RGS22: variants seen among roughly 807,000 people sequenced by gnomAD.
RGS22 encodes the protein regulator of G-protein signaling 22.
RGS22 carries 148 observed loss-of-function variants against 172.9 expected under a neutral mutation model. The ratio of observed to expected loss-of-function variants is 0.86; its 90% CI spans 0.75 to 0.98. The LOEUF is 0.98. RGS22 is among the 50% of genes least tolerant of loss of function. The pLI, the probability that RGS22 is intolerant of heterozygous loss-of-function variation, is 0.00. For synonymous variants in RGS22, 458 were observed against 480.2 expected (o/e 0.95, Z 0.60); for missense variants, 1,347 against 1,440.8 (o/e 0.93, Z 1.05).
At chr8:99,984,788 G>GACAC (rs111285438) in intron 21 of RGS22, among the ~76,000 whole-genome samples, 9,903 of 139,638 alleles carry the variant, frequency 0.071, 763 homozygotes, top group African/African-American at 0.2. Context: ...AGTCTTTACG[G>GACAC]ACACACACAC....
At chr8:100,041,413 C>T (rs1362100178) in intron 12 of RGS22, among the ~76,000 whole-genome samples, 1 of 151,258 alleles carries the variant, frequency 6.6e-6, no homozygotes, top group Non-Finnish European at 1.5e-5. Flanking sequence ...TTGCTTGAAC[C>T]AGGGAGGTGG....
At chr8:100,072,368 G>A in intron 4 of RGS22, 138 bp from the exon 5 acceptor site, 1 of 494,564 alleles carries the variant, frequency 2.0e-6, no homozygotes, top group Non-Finnish European at 3.5e-6. Flanking sequence ...TTCCACTAGA[G>A]AGATCAATAA....
intron 14 of RGS22, among the ~76,000 whole-genome samples, chr8:100,028,607 C>T (rs762938505): frequency 6.6e-6 from 1 of 152,164 alleles, no homozygotes; most frequent in African/African-American, 2.4e-5. Context: ...TCTAATTTCT[C>T]ATCTTGGAAA....
chr8:100,020,125 C>T (rs1303503393), intron 14 of RGS22, among the ~76,000 whole-genome samples: 1 of 152,064 alleles, frequency 6.6e-6, no homozygotes, highest in Non-Finnish European at 1.5e-5. Context: ...CTCAGGTGAT[C>T]CACCCGCCTC....
chr8:100,106,040 T>G lies in RGS22; in HGVS notation c.-119A>C, dbSNP rs2132091058. On this transcript the variant is annotated 5_prime_UTR_variant, in exon 1 of 28. Coordinates refer to ENST00000360863, the MANE Select transcript of RGS22 (RefSeq NM_015668.5). Reference sequence around the variant, plus strand: ...CGGCGCGCGGGCTCCGGAGCTACGCTGGCTAGCGTGGCCGGCGCCGCGCCG... The same window carrying G: ...CGGCGCGCGGGCTCCGGAGCTACGCGGGCTAGCGTGGCCGGCGCCGCGCCG... 2.6e-6 allele frequency: 3 copies of G among 1,169,468 alleles called. No homozygotes were observed. The highest frequency in any genetic ancestry group is 3.2e-5 in the African/African-American group (2 of 61,890). The allele number at this position is 1,169,468 out of a possible 1,614,324, so 72.4% of individuals were successfully genotyped here.
intron 27 of RGS22, among the ~76,000 whole-genome samples, chr8:99,961,754 G>C (rs1055804705): frequency 6.6e-6 from 1 of 152,144 alleles, no homozygotes; most frequent in African/African-American, 2.4e-5. Context: ...ATGGGCAAAA[G>C]AGTATAGAGG....
At chr8:100,064,146 G>T in intron 7 of RGS22, 103 bp from the exon 8 acceptor site, 1 of 848,826 alleles carries the variant, frequency 1.2e-6, no homozygotes, top group Non-Finnish European at 1.7e-6. Flanking sequence ...GTTTATCATA[G>T]GTAGTGACTG....
chr8:100,103,841 A>T (rs755507832), intron 2 of RGS22, among the ~76,000 whole-genome samples: 29 of 152,232 alleles, frequency 1.9e-4, no homozygotes, highest in Non-Finnish European at 3.7e-4. Context: ...TCAGGCTATC[A>T]TGAGTTCAAG....
intron 3 of RGS22, among the ~76,000 whole-genome samples, chr8:100,089,346 T>C (rs1023947235): frequency 5.3e-5 from 8 of 152,148 alleles, no homozygotes; most frequent in Non-Finnish European, 2.9e-5. Context: ...TTCCTTCTTA[T>C]GGTGAGTGAA....
At chr8:100,035,985 A>C (rs1256490457) in intron 14 of RGS22, among the ~76,000 whole-genome samples, 1 of 152,152 alleles carries the variant, frequency 6.6e-6, no homozygotes, top group South Asian at 2.1e-4. Flanking sequence ...GGTGGATAGC[A>C]TTAGGAGAAA....
chr8:100,035,038 T>C (rs919024135), intron 14 of RGS22, among the ~76,000 whole-genome samples: 3 of 152,176 alleles, frequency 2.0e-5, no homozygotes, highest in African/African-American at 4.8e-5. Context: ...ATTCAGGACA[T>C]AGGCATGGGC....
At chr8:100,028,148 C>T (rs1818380849) in intron 14 of RGS22, among the ~76,000 whole-genome samples, 1 of 152,162 alleles carries the variant, frequency 6.6e-6, no homozygotes, top group African/African-American at 2.4e-5. Flanking sequence ...TTATAACCCA[C>T]ACTTCTTGGT....
rs1326279000 is a variant in RGS22, at chr8:100,052,907, G to T, written c.1584C>A (p.His528Gln). The T allele has an allele frequency of 3.1e-6, 5 of 1,613,964 alleles. No individual in the cohort carries two copies. The African/African-American group carries it at 4.0e-5, about 13-fold the overall frequency. Residue 528 changes from histidine to glutamine, a missense_variant, in exon 10 of 28, where the codon CAC becomes CAA. Transcript: ENST00000360863. Reference sequence around the variant, plus strand: ...CCTTCCTTGGTTTTGCTTGACGGAGGTGCCAGAATTTCAGTTCAGCACTAG... The same window carrying T: ...CCTTCCTTGGTTTTGCTTGACGGAGTTGCCAGAATTTCAGTTCAGCACTAG... ...KYASAELKFWHLRQAKPRKDI... is the reference protein window; with the variant it reads ...KYASAELKFWQLRQAKPRKDI...
intron 21 of RGS22, among the ~76,000 whole-genome samples, chr8:99,986,726 T>C (rs36117969): frequency 0.013 from 1,957 of 152,306 alleles, 19 homozygotes; most frequent in Non-Finnish European, 0.023. Context: ...GCTATTCTTT[T>C]TCATCTCTAA....
chr8:100,017,042 C>T (rs144730995), intron 14 of RGS22, among the ~76,000 whole-genome samples: 2,204 of 120,958 alleles, frequency 0.018, 29 homozygotes, highest in Middle Eastern at 0.087. Context: ...CTGTCACCCA[C>T]GCTGAAGGAC....
Position 100,093,513 on chromosome 8 carries a change from C to CAAAAAAA in RGS22, c.55-11_55-5dup. The CAAAAAAA allele has an allele frequency of 7.4e-7, 1 of 1,350,634 alleles. No individual in the cohort carries two copies. Among genetic ancestry groups the CAAAAAAA allele is most frequent in the Non-Finnish European group, 1.0e-6 (1 of 993,730 alleles). 83.7% of individuals were successfully genotyped at this position (1,350,634 alleles called of 1,614,324 possible). A position where few individuals can be genotyped will look rare whatever the true frequency, so the allele number is the denominator to read the frequency against. ...CATCTGTTGCCAGAGAATCTTCCTG[C>CAAAAAAA]AAAAAAAAAACATAAAAACACAGTA... is the stretch of plus-strand genomic sequence containing the variant. On this transcript the variant is annotated splice_polypyrimidine_tract_variant and splice_region_variant and intron_variant, in intron 2 of 27. Coordinates refer to ENST00000360863, the MANE Select transcript of RGS22 (RefSeq NM_015668.5).
At chr8:99,966,782 C>T (rs954413514) in intron 23 of RGS22, among the ~76,000 whole-genome samples, 1 of 152,014 alleles carries the variant, frequency 6.6e-6, no homozygotes, top group Non-Finnish European at 1.5e-5. Context: ...TAGTCCATAC[C>T]AACTACTTTT....
chr8:99,996,053 T>C (rs900207593), intron 20 of RGS22, among the ~76,000 whole-genome samples: 5 of 137,794 alleles, frequency 3.6e-5, no homozygotes, highest in Admixed American at 8.5e-5. Context: ...TAGGTAGGAA[T>C]TGAACAACGG....
intron 21 of RGS22, among the ~76,000 whole-genome samples, chr8:99,986,706 T>G (rs1002804115): frequency 1.1e-4 from 17 of 152,334 alleles, no homozygotes; most frequent in Non-Finnish European, 1.9e-4. Context: ...CTTATTTTGT[T>G]AAGAATTTGG....
Sources: allele counts gnomAD v4.1 joint callset (sites outside exome capture counted in the v4.1 genomes callset), GRCh38; gene constraint gnomAD v4.1.1; transcripts MANE v1.5; gene names NCBI Gene and HGNC (gene_info 2026-07-23, HGNC 2026-07-21).